STAB2: variants seen among roughly 807,000 people sequenced by gnomAD.
STAB2 encodes the protein stabilin 2, also known as stabilin-2.
STAB2 carries 288 observed loss-of-function variants against 338.1 expected under a neutral mutation model. The ratio of observed to expected loss-of-function variants is 0.85; its 90% CI spans 0.77 to 0.94. STAB2 has a LOEUF of 0.94. Ranked by LOEUF, STAB2 falls within the 40% of genes least tolerant of loss-of-function variation. The probability of loss-of-function intolerance (pLI) is 0.00; values close to 1 mark genes in which losing one functional copy is unlikely to be tolerated. For missense variants in STAB2, 3,141 were observed against 3,210.1 expected, an observed-to-expected ratio of 0.98 and a Z score of 0.52; for synonymous variants, 1,202 against 1,193.3, an observed-to-expected ratio of 1.01 and a Z score of -0.15.
intron 45 of STAB2, among the ~76,000 whole-genome samples, chr12:103,725,541 T>A (rs1881114251): frequency 6.6e-6 from 1 of 152,164 alleles, no homozygotes; most frequent in Non-Finnish European, 1.5e-5. Context: ...TGTGTGCATG[T>A]GTGCGTGTGC....
intron 44 of STAB2, among the ~76,000 whole-genome samples, chr12:103,718,340 C>G (rs1013221311): frequency 7.2e-5 from 11 of 152,034 alleles, no homozygotes; most frequent in Non-Finnish European, 1.2e-4. Context: ...ACTCTCACCC[C>G]ACAACTACCC....
intron 51 of STAB2, among the ~76,000 whole-genome samples, chr12:103,733,573 T>C (rs1347029253): frequency 6.6e-6 from 1 of 152,214 alleles, no homozygotes; most frequent in Non-Finnish European, 1.5e-5. Context: ...AAATGACTGA[T>C]TGATCCAGCT....
Position 103,654,969 on chromosome 12 carries a change from A to G in STAB2, c.1551+271A>G, listed in dbSNP as rs562025117. The stretch of plus-strand genomic sequence containing the variant: ...CATCAGGCAACTCAGTCCATGACCA[A>G]TCATCATGAAAATATTTTATAGAGG... On this transcript the variant is annotated intron_variant, in intron 13 of 68. Coordinates refer to ENST00000388887, the MANE Select transcript of STAB2 (RefSeq NM_017564.10). 3.3e-4 allele frequency: 182 copies of G among 546,464 alleles called. 1 individual carries two copies. The highest frequency in any genetic ancestry group is 3.1e-3 in the African/African-American group (164 of 52,174). The allele number at this position is 546,464 out of a possible 1,614,324, so 33.9% of individuals were successfully genotyped here.
At chr12:103,633,449 G>A (rs1274764099) in intron 6 of STAB2, among the ~76,000 whole-genome samples, 1 of 152,184 alleles carries the variant, frequency 6.6e-6, no homozygotes. Flanking sequence ...TTGGGAGGCC[G>A]AGGCGGGTGG....
intron 9 of STAB2, among the ~76,000 whole-genome samples, chr12:103,648,169 T>C (rs1446286922): frequency 6.6e-6 from 1 of 152,040 alleles, no homozygotes; most frequent in Non-Finnish European, 1.5e-5. Flanking sequence ...GGAGACACAG[T>C]GAGGGAGTGG....
chr12:103,620,750 G>A (rs1268463076), intron 4 of STAB2, among the ~76,000 whole-genome samples, 197 bp downstream of exon 4: 2 of 152,106 alleles, frequency 1.3e-5, no homozygotes, highest in Non-Finnish European at 2.9e-5. Context: ...TTATAGCCTG[G>A]GGGCCTTTAG....
intron 2 of STAB2, 111 bp downstream of exon 2, chr12:103,591,141 C>T: frequency 7.0e-7 from 1 of 1,431,054 alleles, no homozygotes; most frequent in Non-Finnish European, 9.6e-7. Flanking sequence ...GACAATAAGC[C>T]CAAACTTAGG....
chr12:103,613,697 C>G (rs1278394687), intron 3 of STAB2, among the ~76,000 whole-genome samples: 2 of 152,182 alleles, frequency 1.3e-5, no homozygotes, highest in African/African-American at 4.8e-5. Context: ...CACTGTCCTG[C>G]ACCCACTGTC....
chr12:103,709,844 G>T (rs748384900), intron 39 of STAB2, among the ~76,000 whole-genome samples: 1 of 151,998 alleles, frequency 6.6e-6, no homozygotes, highest in Non-Finnish European at 1.5e-5. Context: ...GGACATTTTC[G>T]GTGAATCCCC....
intron 51 of STAB2, among the ~76,000 whole-genome samples, chr12:103,733,630 C>T (rs940007092): frequency 5.9e-5 from 9 of 152,016 alleles, no homozygotes; most frequent in East Asian, 1.9e-4. Flanking sequence ...CAGAGAAGCA[C>T]GATCATATAG....
At chr12:103,694,103 G>A (rs1878196197) in intron 31 of STAB2, among the ~76,000 whole-genome samples, 2 of 152,116 alleles carry the variant, frequency 1.3e-5, no homozygotes, top group Non-Finnish European at 1.5e-5. Context: ...GGCATCAAGG[G>A]CATCTTTGTC....
chr12:103,614,389 C>T lies in STAB2; in HGVS notation c.332-6079C>T, dbSNP rs76513930. ...CAGAATTTTCTTTCATTGCAACATA[C>T]CTGGTGGTACAATTTAGGAGCTAAG... On this transcript the variant is annotated intron_variant, in intron 3 of 68. Coordinates refer to ENST00000388887, the MANE Select transcript of STAB2 (RefSeq NM_017564.10). Among the ~76,000 whole-genome samples, 49 of 152,272 alleles carry T rather than the reference C, an allele frequency of 3.2e-4. 1 individual carries two copies. In the East Asian group the frequency reaches 9.4e-3, roughly 29 times the overall value.
At chr12:103,758,318 T>C (rs754577776) in intron 64 of STAB2, 29 bp downstream of exon 64, 6 of 1,609,770 alleles carry the variant, frequency 3.7e-6, no homozygotes, top group Non-Finnish European at 5.1e-6. Context: ...GCCTTTGCTT[T>C]AGACTAGCAT....
intron 37 of STAB2, among the ~76,000 whole-genome samples, chr12:103,706,439 G>A (rs985406713): frequency 1.4e-4 from 22 of 152,310 alleles, no homozygotes; most frequent in Admixed American, 1.2e-3. Flanking sequence ...CCAGATCTGG[G>A]TTGGAGACGG....
intron 27 of STAB2, among the ~76,000 whole-genome samples, chr12:103,687,531 A>G (rs574097674): frequency 2.0e-5 from 3 of 152,068 alleles, no homozygotes; most frequent in Non-Finnish European, 4.4e-5. Flanking sequence ...GGGTGGCTCT[A>G]TATATAGAGA....
chr12:103,706,885 G>A lies in STAB2; in HGVS notation c.4090G>A (p.Asp1364Asn), dbSNP rs774712718. 2 of 1,614,254 alleles carry A rather than the reference G, an allele frequency of 1.2e-6. No individual in the cohort carries two copies. Among genetic ancestry groups the A allele is most frequent in the South Asian group, 1.1e-5 (1 of 91,084 alleles). ...CTGCTTTGGTAATGGCATCTGTTTG[G>A]ATGGAGTGAATGGCACAGGTGTGTG... ...NVCFGNGICL[D>N]GVNGTGVCEC... The change falls in exon 38 of 69, where the codon GAT becomes AAT. Residue 1364 changes from aspartate to asparagine, a missense_variant. Coordinates refer to ENST00000388887, the MANE Select transcript of STAB2 (RefSeq NM_017564.10).
chr12:103,700,001 C>G (rs979532178), intron 34 of STAB2, among the ~76,000 whole-genome samples: 1 of 152,162 alleles, frequency 6.6e-6, no homozygotes, highest in Non-Finnish European at 1.5e-5. Context: ...ACACAGGAGC[C>G]AGCAGCCAAG....
chr12:103,599,806 G>A (rs1956928590), intron 3 of STAB2, among the ~76,000 whole-genome samples: 2 of 152,176 alleles, frequency 1.3e-5, no homozygotes, highest in Admixed American at 1.3e-4. Flanking sequence ...CTGGTGGATG[G>A]TAAGCCTCCA....
chr12:103,693,066 A>G (rs2138918944), intron 31 of STAB2, among the ~76,000 whole-genome samples, 177 bp downstream of exon 31: 1 of 152,144 alleles, frequency 6.6e-6, no homozygotes, highest in South Asian at 2.1e-4. Flanking sequence ...ATTCAATGAG[A>G]CTCAGTTTCC....
Sources: allele counts gnomAD v4.1 joint callset (sites outside exome capture counted in the v4.1 genomes callset), GRCh38; gene constraint gnomAD v4.1.1; transcripts MANE v1.5; gene names NCBI Gene and HGNC (gene_info 2026-07-23, HGNC 2026-07-21).